KCNB2: variants seen among roughly 807,000 people sequenced by gnomAD.
The protein encoded by KCNB2 is delayed rectifier potassium channel protein.
KCNB2 carries 15 observed loss-of-function variants against 61.5 expected under a neutral mutation model. The ratio of observed to expected loss-of-function variants is 0.24; its 90% confidence interval spans 0.16 to 0.38. The LOEUF is 0.38. Ranked by LOEUF, KCNB2 falls within the 10% of genes least tolerant of loss-of-function variation. The pLI, the probability that KCNB2 is intolerant of heterozygous loss-of-function variation, is 1.00. For missense variants in KCNB2, 828 were observed against 1,125.2 expected (o/e 0.74, Z 3.78); for synonymous variants, 457 against 446.0 (o/e 1.02, Z -0.31).
rs116028247 is a variant in KCNB2 at position 72,541,501 on chromosome 8, A to G, written c.-94+3616A>G. The stretch of plus-strand genomic sequence containing the variant: ...GGTGCTCTGGCTTCACTTAACCACT[A>G]TGATATTCAGAAGTGTTAAAAACGA... On this transcript the variant is annotated intron_variant, in intron 1 of 2. Coordinates refer to ENST00000523207, the MANE Select transcript of KCNB2 (RefSeq NM_004770.3). Among the ~76,000 whole-genome samples, 1,172 of 152,218 alleles carry G rather than the reference A, an allele frequency of 7.7e-3. 14 individuals carry two copies. Among genetic ancestry groups the G allele is most frequent in the African/African-American group, 0.027 (1,105 of 41,542 alleles).
At chr8:72,688,152 A>T (rs1189490197) in intron 2 of KCNB2, among the ~76,000 whole-genome samples, 2 of 152,194 alleles carry the variant, frequency 1.3e-5, no homozygotes, top group African/African-American at 2.4e-5. Context: ...TGTCCTCCAC[A>T]CTAATATGAA....
chr8:72,567,806 T>A lies in KCNB2; in HGVS notation c.72T>A (p.Pro24=). ...SRSTLSLPPE[P]VDIIRSKTCS... Reference sequence around the variant, plus strand: ...CGACACTTTCCCTTCCTCCAGAGCCTGTGGACATTATCCGGAGCAAAACAT... The same window carrying A: ...CGACACTTTCCCTTCCTCCAGAGCCAGTGGACATTATCCGGAGCAAAACAT... Residue 24 remains proline, a synonymous_variant, in exon 2 of 3, where the codon CCT becomes CCA. Coordinates refer to ENST00000523207, the MANE Select transcript of KCNB2 (RefSeq NM_004770.3). The A allele has an allele frequency of 6.2e-7, 1 of 1,613,132 alleles. No homozygotes were observed. Among genetic ancestry groups the A allele is most frequent in the Non-Finnish European group, 8.5e-7 (1 of 1,179,714 alleles).
intron 2 of KCNB2, among the ~76,000 whole-genome samples, chr8:72,631,216 G>T (rs192318543): frequency 3.3e-5 from 5 of 152,266 alleles, no homozygotes; most frequent in African/African-American, 1.2e-4. Flanking sequence ...GTGAAACTGC[G>T]GATCAGAGGA....
At chr8:72,874,901 T>G (rs1585947573) in intron 2 of KCNB2, 1 of 152,234 alleles carries the variant, frequency 6.6e-6, no homozygotes, top group South Asian at 2.1e-4. Flanking sequence ...AATTACCTAG[T>G]CTGCTACAAC....
intron 2 of KCNB2, among the ~76,000 whole-genome samples, chr8:72,776,248 T>G (rs1585886880): frequency 1.3e-5 from 1 of 74,884 alleles, no homozygotes; most frequent in Non-Finnish European, 2.6e-5. Context: ...CCAGGGCCTG[T>G]CGTGGGGTGG....
At chr8:72,691,042 G>A (rs140592091) in intron 2 of KCNB2, among the ~76,000 whole-genome samples, 1,772 of 152,218 alleles carry the variant, frequency 0.012, 35 homozygotes, top group African/African-American at 0.039. Context: ...CTTGGTGCCC[G>A]TTTTCATATG....
chr8:72,725,600 T>C (rs1484164432), intron 2 of KCNB2, among the ~76,000 whole-genome samples: 86 of 124,516 alleles, frequency 6.9e-4, no homozygotes, highest in African/African-American at 2.9e-3. Context: ...TGTATATATA[T>C]ATATATATAT....
intron 2 of KCNB2, among the ~76,000 whole-genome samples, chr8:72,666,984 AGTGTGT>A (rs142689703): frequency 2.0e-5 from 3 of 148,600 alleles, no homozygotes; most frequent in African/African-American, 7.5e-5. Flanking sequence ...TTTCCACATA[AGTGTGT>A]GTGTGTGTGT....
At chr8:72,635,496 G>C (rs1024853942) in intron 2 of KCNB2, among the ~76,000 whole-genome samples, 7 of 152,106 alleles carry the variant, frequency 4.6e-5, no homozygotes, top group Non-Finnish European at 7.4e-5. Context: ...GATTCTGCTG[G>C]GGAATATGAA....
chr8:72,778,373 G>A (rs895623632), intron 2 of KCNB2, among the ~76,000 whole-genome samples: 1 of 152,048 alleles, frequency 6.6e-6, no homozygotes, highest in Non-Finnish European at 1.5e-5. Context: ...TGAGGGAGGG[G>A]AAGAAGATAC....
intron 2 of KCNB2, among the ~76,000 whole-genome samples, chr8:72,738,317 T>C (rs1387451599): frequency 7.2e-6 from 1 of 138,544 alleles, no homozygotes; most frequent in Non-Finnish European, 1.6e-5. Flanking sequence ...TAGAAGTTTG[T>C]GCCGACCTTT....
At chr8:72,650,811 T>C (rs571949190) in intron 2 of KCNB2, among the ~76,000 whole-genome samples, 1 of 152,292 alleles carries the variant, frequency 6.6e-6, no homozygotes, top group Non-Finnish European at 1.5e-5. Context: ...GTCTGTAAGC[T>C]CTGGTGAAGA....
chr8:72,607,490 T>C (rs987819120), intron 2 of KCNB2, among the ~76,000 whole-genome samples: 1 of 152,244 alleles, frequency 6.6e-6, no homozygotes, highest in Non-Finnish European at 1.5e-5. Flanking sequence ...ACTCATTCTT[T>C]ACTTTGCATT....
Position 72,564,074 on chromosome 8 carries a change from T to C in KCNB2, c.-93-3568T>C, listed in dbSNP as rs527839354. Among the ~76,000 whole-genome samples the C allele has an allele frequency of 1.2e-4, 19 of 152,320 alleles. No homozygotes were observed. The South Asian group carries it at 3.7e-3, about 30-fold the overall frequency. On this transcript the variant is annotated intron_variant, in intron 1 of 2. Coordinates refer to ENST00000523207, the MANE Select transcript of KCNB2 (RefSeq NM_004770.3). Reference sequence around the variant, plus strand: ...GTAATCAACACTGGATCTCTTATAATAGAAAGTTCTTGATCAGTGAAGAAG... The same window carrying C: ...GTAATCAACACTGGATCTCTTATAACAGAAAGTTCTTGATCAGTGAAGAAG...
At chr8:72,594,072 C>T (rs1256366942) in intron 2 of KCNB2, among the ~76,000 whole-genome samples, 1 of 152,134 alleles carries the variant, frequency 6.6e-6, no homozygotes, top group Non-Finnish European at 1.5e-5. Context: ...TAGCCTCCAT[C>T]TCAAGGAATT....
intron 2 of KCNB2, among the ~76,000 whole-genome samples, chr8:72,590,332 G>A (rs1170941375): frequency 6.6e-6 from 1 of 152,052 alleles, no homozygotes; most frequent in East Asian, 1.9e-4. Context: ...TCCTGAGATT[G>A]TTCTCCTCAT....
At chr8:72,679,987 T>A (rs2256675) in intron 2 of KCNB2, among the ~76,000 whole-genome samples, 41,914 of 152,134 alleles carry the variant, frequency 0.28, 10,083 homozygotes, top group African/African-American at 0.65. Context: ...CCTGTTCTAT[T>A]AAGCTAAGAT....
chr8:72,869,812 C>T (rs1805588373), intron 2 of KCNB2, among the ~76,000 whole-genome samples: 1 of 152,136 alleles, frequency 6.6e-6, no homozygotes. Context: ...AGTAGAACTA[C>T]CATCTGATCA....
intron 2 of KCNB2, among the ~76,000 whole-genome samples, chr8:72,815,627 T>C (rs1051479469): frequency 7.2e-5 from 11 of 152,206 alleles, no homozygotes; most frequent in African/African-American, 2.7e-4. Context: ...AATACTTTCC[T>C]TAGTCCTTCA....
Sources: gnomAD v4.1 joint callset for allele counts (sites outside exome capture counted in the v4.1 genomes callset) on GRCh38, gnomAD v4.1.1 for gene constraint, MANE v1.5 for transcripts, NCBI Gene and HGNC (gene_info 2026-07-23, HGNC 2026-07-21) for gene names.